ABCA12: variants seen among roughly 807,000 people sequenced by gnomAD.
ABCA12 encodes the protein ATP binding cassette subfamily A member 12.
In ABCA12, 156 loss-of-function variants were observed where a neutral mutation model predicts 293.5. The observed-to-expected ratio is 0.53, with a 90% CI of 0.47 to 0.61. The LOEUF is 0.61. ABCA12 is among the 20% of genes least tolerant of loss of function. ABCA12 has a pLI of 0.00. For missense variants in ABCA12, 2,797 were observed against 3,090.2 expected (o/e 0.91, Z 2.25); for synonymous variants, 1,063 against 1,108.0 (o/e 0.96, Z 0.81).
At position 214,945,077 on chromosome 2, in the gene ABCA12, T is replaced by G; in HGVS notation, c.7267A>C (p.Lys2423Gln). 1 of 1,613,736 alleles carries G rather than the reference T, an allele frequency of 6.2e-7. No individual in the cohort carries two copies. The highest frequency in any genetic ancestry group is 8.5e-7 in the Non-Finnish European group (1 of 1,179,886). The change falls in exon 49 of 53, where the codon AAG (lysine) becomes CAG (glutamine). Residue 2423 changes from lysine (K) to glutamine (Q), a missense_variant. By Grantham distance (53) the Lys-to-Gln change is moderately conservative. Coordinates refer to ENST00000272895, the MANE Select transcript of ABCA12 (RefSeq NM_173076.3). Reference sequence around the variant, plus strand: ...ATCTTCCAGAGGTGCCGTTTCGACTTCGGATCCATGCCAGAGCTCGGCTCA... The same window carrying G: ...ATCTTCCAGAGGTGCCGTTTCGACTGCGGATCCATGCCAGAGCTCGGCTCA... ...LDEPSSGMDP[K>Q]SKRHLWKIIS...
At chr2:214,941,679 C>G (rs533505461) in intron 50 of ABCA12, among the ~76,000 whole-genome samples, 13 of 151,926 alleles carry the variant, frequency 8.6e-5, no homozygotes, top group African/African-American at 3.1e-4. Context: ...CTTCTTGTTG[C>G]ATTGATCCCT....
At chr2:215,095,182 G>A (rs551651643) in intron 2 of ABCA12, among the ~76,000 whole-genome samples, 1 of 152,246 alleles carries the variant, frequency 6.6e-6, no homozygotes, top group South Asian at 2.1e-4. Context: ...TAAATGAAGA[G>A]TGTTGTTTTT....
chr2:215,133,125 G>C (rs998728470), intron 1 of ABCA12, among the ~76,000 whole-genome samples: 1 of 90,860 alleles, frequency 1.1e-5, no homozygotes, highest in African/African-American at 3.5e-5. Context: ...TAGGTGCTTT[G>C]ACTCTTTTCT....
intron 36 of ABCA12, among the ~76,000 whole-genome samples, chr2:214,971,017 C>CT (rs1251724291): frequency 6.6e-6 from 1 of 152,092 alleles, no homozygotes; most frequent in Non-Finnish European, 1.5e-5. Flanking sequence ...ACCCTGGTCA[C>CT]TTTCCCTTGT....
chr2:215,081,236 G>C (rs1701929814), intron 2 of ABCA12, among the ~76,000 whole-genome samples: 1 of 152,096 alleles, frequency 6.6e-6, no homozygotes, highest in Non-Finnish European at 1.5e-5. Flanking sequence ...CCAGCACTTT[G>C]GGAGGCTGAG....
rs1367688199 is a variant in ABCA12 at position 215,052,579 on chromosome 2, C to T, written c.415G>A (p.Val139Ile). 1 of 1,611,748 alleles carries T rather than the reference C, an allele frequency of 6.2e-7. No individual in the cohort carries two copies. The highest frequency in any genetic ancestry group is 1.1e-5 in the South Asian group (1 of 91,052). Residue 139 changes from valine to isoleucine, a missense_variant, in exon 5 of 53, where the codon GTA becomes ATA. Around this residue, in one of 3 missense-constraint regions of ABCA12, gnomAD observed 656 missense variants for 638.2 expected, o/e 1.03. Coordinates refer to ENST00000272895, the MANE Select transcript of ABCA12 (RefSeq NM_173076.3). ...PERRHASLAT[V>I]FPSPSSDLEI... ...AAATCAGAACTTGGACTGGGAAATA[C>T]TGTGGCTGTAATCAAAGAAGGAACA... is the stretch of plus-strand genomic sequence containing the variant.
At chr2:215,123,104 G>C (rs950471459) in intron 1 of ABCA12, among the ~76,000 whole-genome samples, 1 of 152,086 alleles carries the variant, frequency 6.6e-6, no homozygotes, top group African/African-American at 2.4e-5. Flanking sequence ...TGCTGCAAAG[G>C]ACATGATTTC....
intron 18 of ABCA12, among the ~76,000 whole-genome samples, chr2:215,008,060 T>C (rs1700292304): frequency 6.6e-6 from 1 of 152,148 alleles, no homozygotes; most frequent in South Asian, 2.1e-4. Context: ...CTGGATAATT[T>C]AGGGTTTGAT....
intron 2 of ABCA12, among the ~76,000 whole-genome samples, chr2:215,104,146 T>C (rs999338947): frequency 3.3e-5 from 5 of 152,124 alleles, no homozygotes; most frequent in African/African-American, 1.2e-4. Flanking sequence ...CCAGAAGACA[T>C]TTGGTTCCCA....
chr2:215,041,856 G>A (rs1701108362), intron 7 of ABCA12, among the ~76,000 whole-genome samples: 1 of 152,152 alleles, frequency 6.6e-6, no homozygotes, highest in Non-Finnish European at 1.5e-5. Flanking sequence ...TTTGAAATAT[G>A]CAACAACATG....
chr2:214,973,848 T>C, intron 36 of ABCA12, 101 bp downstream of exon 36: 1 of 1,031,862 alleles, frequency 9.7e-7, no homozygotes, highest in Non-Finnish European at 1.5e-6. Flanking sequence ...TTCCATAAAA[T>C]GAACTTATAC....
At chr2:215,017,873 G>T (rs1700540839) in intron 14 of ABCA12, 135 bp downstream of exon 14, 3 of 1,267,478 alleles carry the variant, frequency 2.4e-6, no homozygotes, top group African/African-American at 1.5e-5. Flanking sequence ...AGGCCTCCAG[G>T]TTTATCACTT....
In ABCA12 at chr2:215,052,482, G is replaced by A. The variant is rs375661068; in HGVS notation, c.507+5C>T. Reference sequence around the variant, plus strand: ...TCTACCCATTACAAAATTGAATCAAGTTACCTTTTCCAAGCCAAGAATTCG... The same window carrying A: ...TCTACCCATTACAAAATTGAATCAAATTACCTTTTCCAAGCCAAGAATTCG... On this transcript the variant is annotated splice_donor_5th_base_variant and intron_variant, in intron 5 of 52. Transcript: ENST00000272895. The A allele has an allele frequency of 7.3e-5, 118 of 1,610,964 alleles. No individual in the cohort carries two copies. In the South Asian group the frequency reaches 1.2e-3, roughly 16 times the overall value.
In ABCA12 at chr2:215,036,966, G is replaced by T. The variant is rs538976841; in HGVS notation, c.972C>A (p.Asp324Glu). ...KSVKHLLYTLDSPAQGDSDNI... is the reference protein window; with the variant it reads ...KSVKHLLYTLESPAQGDSDNI... Reference sequence around the variant, plus strand: ...GAAATATAATACCTTGAGCTGGGGAGTCCAGAGTGTACAGCAGATGTTTAA... The same window carrying T: ...GAAATATAATACCTTGAGCTGGGGATTCCAGAGTGTACAGCAGATGTTTAA... Residue 324 changes from aspartate (D) to glutamate (E), a missense_variant, in exon 8 of 53, where the codon GAC (aspartate) becomes GAA (glutamate). Around this residue, in one of 3 missense-constraint regions of ABCA12, gnomAD observed 656 missense variants for 638.2 expected, o/e 1.03. Coordinates refer to ENST00000272895, the MANE Select transcript of ABCA12 (RefSeq NM_173076.3). 9.3e-6 allele frequency: 15 copies of T among 1,613,644 alleles called. No individual in the cohort carries two copies. The African/African-American group carries it at 1.7e-4, about 19-fold the overall frequency.
intron 2 of ABCA12, among the ~76,000 whole-genome samples, chr2:215,074,941 C>CA (rs1192505289): frequency 6.6e-6 from 1 of 150,872 alleles, no homozygotes; most frequent in Non-Finnish European, 1.5e-5. Context: ...GACTCTGTCT[C>CA]AAAAAATAAA....
chr2:215,109,068 A>G (rs36085286), intron 2 of ABCA12, among the ~76,000 whole-genome samples: 12,235 of 152,094 alleles, frequency 0.08, 753 homozygotes, highest in Admixed American at 0.17. Context: ...CTGTCTCAAA[A>G]AAAAAAAAGG....
chr2:214,981,651 G>T (rs2105965376), intron 30 of ABCA12, among the ~76,000 whole-genome samples: 1 of 151,284 alleles, frequency 6.6e-6, no homozygotes, highest in Non-Finnish European at 1.5e-5. Context: ...GCCAATCTTA[G>T]ACTTTTAAAA....
At chr2:215,092,932 C>T (rs570498537) in intron 2 of ABCA12, among the ~76,000 whole-genome samples, 4 of 152,344 alleles carry the variant, frequency 2.6e-5, no homozygotes, top group Admixed American at 1.3e-4. Context: ...AGCAATTTAT[C>T]TGGGCTGTAC....
At chr2:215,114,110 G>A (rs566824278) in intron 1 of ABCA12, among the ~76,000 whole-genome samples, 4 of 152,194 alleles carry the variant, frequency 2.6e-5, no homozygotes, top group African/African-American at 7.2e-5. Flanking sequence ...GAGTAGCTGG[G>A]ACTACAGGCA....
Sources: allele counts gnomAD v4.1 joint callset (sites outside exome capture counted in the v4.1 genomes callset), GRCh38; gene constraint gnomAD v4.1.1; regional missense constraint gnomAD v4.1.1; transcripts MANE v1.5; gene names NCBI Gene and HGNC (gene_info 2026-07-23, HGNC 2026-07-21).